AP1S3: variants seen among roughly 807,000 people sequenced by gnomAD.
AP1S3 encodes AP-1 complex subunit sigma-3.
Under a neutral mutation model 20.9 loss-of-function variants are expected in AP1S3, and 10 were observed. That is an observed-to-expected ratio of 0.48 (90% CI 0.29 to 0.81). The LOEUF (loss-of-function observed/expected upper bound fraction) is 0.81. Among genes scored for constraint, AP1S3 ranks in the 30% least tolerant of loss-of-function variants. AP1S3 has a pLI of 0.08. For synonymous variants in AP1S3, 41 were observed against 61.5 expected (o/e 0.67, Z 1.56); for missense variants, 154 against 183.8 (o/e 0.84, Z 0.94).
chr2:223,818,612 G>A (rs138271125), intron 1 of AP1S3, among the ~76,000 whole-genome samples: 1 of 152,126 alleles, frequency 6.6e-6, no homozygotes, highest in East Asian at 1.9e-4. Context: ...GAATGCAGTG[G>A]TGCAATCTCA....
chr2:223,780,300 TATATATATAGAGAGAGAGAGAG>T (rs1387879408), intron 1 of AP1S3, among the ~76,000 whole-genome samples: 41 of 52,998 alleles, frequency 7.7e-4, no homozygotes, highest in African/African-American at 3.1e-3. Flanking sequence ...TATATATATA[TATATATATAGAGAGAGAGAGAG>T]AGAGAGAGAG....
At chr2:223,760,640 T>G (rs1219765488) in intron 4 of AP1S3, among the ~76,000 whole-genome samples, 1 of 152,186 alleles carries the variant, frequency 6.6e-6, no homozygotes, top group African/African-American at 2.4e-5. Context: ...GCTGGTTTTA[T>G]GGAATCTAGA....
intron 1 of AP1S3, among the ~76,000 whole-genome samples, chr2:223,837,219 A>AGCCGCGGCGCCGCGGCGCCGCGGC (rs903571860): frequency 6.6e-6 from 1 of 150,702 alleles, no homozygotes; most frequent in Non-Finnish European, 1.5e-5. Flanking sequence ...GAATGAATGG[A>AGCCGCGGCGCCGCGGCGCCGCGGC]GCCGCGGCGC....
chr2:223,820,990 A>G (rs1367787925), intron 1 of AP1S3, among the ~76,000 whole-genome samples: 1 of 152,078 alleles, frequency 6.6e-6, no homozygotes, highest in East Asian at 1.9e-4. Context: ...CTCAAAACAC[A>G]TACTTCCCTA....
rs1215132477 is a variant in AP1S3 at position 223,807,891 on chromosome 2, T to C, written c.3+29557A>G. Among the ~76,000 whole-genome samples the C allele has an allele frequency of 2.1e-5, 3 of 140,150 alleles. No homozygotes were observed. In the East Asian group the frequency reaches 6.1e-4, roughly 29 times the overall value. The allele number at this position is 140,150 out of a possible 152,430, so 91.9% of individuals were successfully genotyped here. On this transcript the variant is annotated intron_variant, in intron 1 of 4. Coordinates refer to ENST00000396654, the MANE Select transcript of AP1S3 (RefSeq NM_001039569.2). Reference sequence around the variant, plus strand: ...TCTTTTTTTTTTTTTTTTTTTTTTTTTGGAGACAAGGTCTCACTCTGTCAC... The same window carrying C: ...TCTTTTTTTTTTTTTTTTTTTTTTTCTGGAGACAAGGTCTCACTCTGTCAC...
rs190474921 is a variant in AP1S3 at position 223,790,427 on chromosome 2, G to T, written c.4-12558C>A. ...TTTTTGTATTTTTAGCAGAGATGGG[G>T]TTTCGCCATGTTAGCCAGGCTGGTC... On this transcript the variant is annotated intron_variant, in intron 1 of 4. Coordinates refer to ENST00000396654, the MANE Select transcript of AP1S3 (RefSeq NM_001039569.2). 5.1e-4 allele frequency among the ~76,000 whole-genome samples: 78 copies of T among 152,046 alleles called. 1 individual carries two copies. In the East Asian group the frequency reaches 0.014, roughly 26 times the overall value.
intron 1 of AP1S3, among the ~76,000 whole-genome samples, chr2:223,836,374 C>T (rs1032954830): frequency 1.3e-5 from 2 of 152,202 alleles, no homozygotes; most frequent in Non-Finnish European, 2.9e-5. Flanking sequence ...GGGCTGCGGC[C>T]GGCCTCAGCT....
intron 1 of AP1S3, among the ~76,000 whole-genome samples, chr2:223,785,810 T>C (rs777644908): frequency 1.3e-5 from 2 of 152,196 alleles, no homozygotes; most frequent in Non-Finnish European, 2.9e-5. Flanking sequence ...AAATAGTCAG[T>C]ATGATACTAT....
Position 223,757,522 on chromosome 2 carries a change from A to C in AP1S3, c.*1193T>G. 4.5e-6 allele frequency: 4 copies of C among 889,470 alleles called. No homozygotes were observed. Among genetic ancestry groups the C allele is most frequent in the Non-Finnish European group, 5.4e-6 (4 of 742,786 alleles). 55.1% of individuals were successfully genotyped at this position (889,470 alleles called of 1,614,324 possible). On this transcript the variant is annotated 3_prime_UTR_variant, in exon 5 of 5. Transcript: ENST00000396654. Reference sequence around the variant, plus strand: ...AGGCTGCTCTCGAACTCCTGACCTCAAGTGATCCACCTGCCTCGGCCTCCC... The same window carrying C: ...AGGCTGCTCTCGAACTCCTGACCTCCAGTGATCCACCTGCCTCGGCCTCCC...
intron 1 of AP1S3, among the ~76,000 whole-genome samples, chr2:223,818,629 T>C (rs1691914082): frequency 6.6e-6 from 1 of 152,112 alleles, no homozygotes; most frequent in Admixed American, 6.5e-5. Context: ...CTCAACTCAT[T>C]GCAACCTCCG....
chr2:223,780,889 A>G (rs535915639), intron 1 of AP1S3, among the ~76,000 whole-genome samples: 2 of 151,940 alleles, frequency 1.3e-5, no homozygotes, highest in Admixed American at 6.6e-5. Flanking sequence ...GAACCTGTCA[A>G]TCAGGCACTG....
intron 1 of AP1S3, among the ~76,000 whole-genome samples, chr2:223,833,038 A>T (rs1692314295): frequency 1.3e-5 from 2 of 152,112 alleles, no homozygotes; most frequent in South Asian, 4.1e-4. Context: ...ACGGTTATTC[A>T]TGTTTCCAAA....
chr2:223,784,262 C>T (rs1234697025), intron 1 of AP1S3, among the ~76,000 whole-genome samples: 1 of 152,126 alleles, frequency 6.6e-6, no homozygotes, highest in East Asian at 1.9e-4. Context: ...TGATCCCCCA[C>T]GTGGGTCATT....
intron 3 of AP1S3, among the ~76,000 whole-genome samples, chr2:223,766,127 AC>A (rs1690472913): frequency 1.3e-5 from 2 of 151,924 alleles, no homozygotes; most frequent in Non-Finnish European, 2.9e-5. Context: ...TTATTCCTCT[AC>A]TCACTGACAC....
intron 3 of AP1S3, chr2:223,773,327 TTC>T: frequency 7.7e-7 from 1 of 1,304,188 alleles, no homozygotes; most frequent in Non-Finnish European, 1.0e-6. Flanking sequence ...AGGAAACTTC[TTC>T]AGGCTCTTGC....
chr2:223,758,559 A>G lies in AP1S3; in HGVS notation c.*156T>C, dbSNP rs1405468510. 7.4e-7 allele frequency: 1 copy of G among 1,347,996 alleles called. No homozygotes were observed. Among genetic ancestry groups the G allele is most frequent in the Admixed American group, 3.6e-5 (1 of 27,560 alleles). The allele number at this position is 1,347,996 out of a possible 1,614,324, so 83.5% of individuals were successfully genotyped here. On this transcript the variant is annotated 3_prime_UTR_variant, in exon 5 of 5. Transcript: ENST00000396654. The stretch of plus-strand genomic sequence containing the variant: ...TAATACAGACACATAGTAATTATAA[A>G]TATGTTAAACAACTTTAACTTTGTT...
chr2:223,830,224 A>G (rs941120375), intron 1 of AP1S3, among the ~76,000 whole-genome samples: 1 of 151,912 alleles, frequency 6.6e-6, no homozygotes, highest in Non-Finnish European at 1.5e-5. Flanking sequence ...CACACCTATA[A>G]TCCTAGCACT....
At chr2:223,791,629 A>C (rs913115797) in intron 1 of AP1S3, among the ~76,000 whole-genome samples, 1 of 152,220 alleles carries the variant, frequency 6.6e-6, no homozygotes, top group Non-Finnish European at 1.5e-5. Flanking sequence ...GCACAAGATA[A>C]GGATGCCCTC....
rs1015077421 is a variant in AP1S3, at chr2:223,827,953, G to A, written c.3+9495C>T. On this transcript the variant is annotated intron_variant, in intron 1 of 4. Transcript: ENST00000396654. The stretch of plus-strand genomic sequence containing the variant: ...AGGTGCCTATAATCTCAGCTACTCA[G>A]GAGGCTGAGGCAGGAGAATTGCTTG... Among the ~76,000 whole-genome samples the A allele has an allele frequency of 5.3e-5, 8 of 150,290 alleles. 1 individual carries two copies. The highest frequency in any genetic ancestry group is 2.0e-4 in the African/African-American group (8 of 41,004).
Sources: gnomAD v4.1 joint callset for allele counts (sites outside exome capture counted in the v4.1 genomes callset) on GRCh38, gnomAD v4.1.1 for gene constraint, MANE v1.5 for transcripts, NCBI Gene and HGNC (gene_info 2026-07-23, HGNC 2026-07-21) for gene names.